Variants in SLC8A1 observed in about 807,000 individuals in gnomAD.
SLC8A1 encodes sodium/calcium exchanger 1.
A neutral mutation model predicts 68.3 loss-of-function variants in SLC8A1; 18 were observed. The ratio of observed to expected loss-of-function variants is 0.26; its 90% CI spans 0.18 to 0.39. The LOEUF (loss-of-function observed/expected upper bound fraction) is 0.39. SLC8A1 is among the 10% of genes least tolerant of loss of function. The probability of loss-of-function intolerance (pLI) is 1.00; values close to 1 mark genes in which losing one functional copy is unlikely to be tolerated. For missense variants in SLC8A1, 985 were observed against 1,156.7 expected, an observed-to-expected ratio of 0.85 and a Z score of 2.15; for synonymous variants, 475 against 415.5, an observed-to-expected ratio of 1.14 and a Z score of -1.74.
exon 8 of SLC8A1, chr2:40,105,399 A>G (rs939171394): frequency 5.9e-5 from 9 of 152,244 alleles, no homozygotes; most frequent in Non-Finnish European, 1.2e-4. Context: ...GTAAAGGTAT[A>G]GTAATACTAT....
intron 2 of SLC8A1, among the ~76,000 whole-genome samples, chr2:40,385,946 CA>C (rs1296416029): frequency 6.7e-6 from 1 of 149,204 alleles, no homozygotes; most frequent in Non-Finnish European, 1.5e-5. Flanking sequence ...AGAACATTCA[CA>C]AAAATGTAAA....
intron 2 of SLC8A1, among the ~76,000 whole-genome samples, chr2:40,352,320 C>T (rs1482913977): frequency 6.6e-6 from 1 of 152,014 alleles, no homozygotes; most frequent in African/African-American, 2.4e-5. Flanking sequence ...TAACATTTTC[C>T]AAAGCTAAAA....
At chr2:40,135,140 A>G (rs2040247498) in intron 7 of SLC8A1, among the ~76,000 whole-genome samples, 1 of 152,230 alleles carries the variant, frequency 6.6e-6, no homozygotes, top group Non-Finnish European at 1.5e-5. Flanking sequence ...CAGGCAAGGA[A>G]GAGAACAGAC....
intron 2 of SLC8A1, among the ~76,000 whole-genome samples, chr2:40,388,153 C>T (rs750182472): frequency 4.6e-5 from 7 of 151,822 alleles, no homozygotes; most frequent in Non-Finnish European, 8.8e-5. Context: ...TGAGTAGTGC[C>T]CCTTAGAAAT....
chr2:40,273,932 G>T (rs1447572543), intron 2 of SLC8A1, among the ~76,000 whole-genome samples: 1 of 149,064 alleles, frequency 6.7e-6, no homozygotes, highest in Non-Finnish European at 1.5e-5. Flanking sequence ...AGGGAGAGGT[G>T]CTTCTACTTC....
intron 1 of SLC8A1, among the ~76,000 whole-genome samples, chr2:40,487,834 G>T (rs528258946): frequency 3.9e-5 from 6 of 152,190 alleles, no homozygotes; most frequent in Admixed American, 3.9e-4. Context: ...TTAATGGTCA[G>T]TCATGGCATT....
chr2:40,463,839 T>TACACACACACACACACACACACACAC (rs761954909), intron 1 of SLC8A1, among the ~76,000 whole-genome samples: 1 of 123,322 alleles, frequency 8.1e-6, no homozygotes, highest in African/African-American at 3.1e-5. Flanking sequence ...CACACACACA[T>TACACACACACACACACACACACACAC]ACACACACAC....
chr2:40,223,541 G>A (rs942052024), intron 2 of SLC8A1: 1 of 151,908 alleles, frequency 6.6e-6, no homozygotes, highest in African/African-American at 2.4e-5. Context: ...AGTGTCTTAA[G>A]TATTAGTCAT....
At chr2:40,241,988 A>T (rs141656853) in intron 2 of SLC8A1, among the ~76,000 whole-genome samples, 53 of 152,286 alleles carry the variant, frequency 3.5e-4, no homozygotes, top group Non-Finnish European at 6.6e-4. Flanking sequence ...TCCACTCAAT[A>T]ATTTGATCTA....
chr2:40,457,917 G>A (rs1427493593), intron 1 of SLC8A1, among the ~76,000 whole-genome samples: 1 of 152,152 alleles, frequency 6.6e-6, no homozygotes, highest in Non-Finnish European at 1.5e-5. Flanking sequence ...AAAGTACAAA[G>A]GGATTTGCCG....
chr2:40,341,138 C>A (rs1380436093), intron 2 of SLC8A1, among the ~76,000 whole-genome samples: 1 of 152,132 alleles, frequency 6.6e-6, no homozygotes, highest in African/African-American at 2.4e-5. Context: ...TGTGTACTAG[C>A]TTTGCTTTGT....
At chr2:40,142,743 G>T (rs891504882) in intron 6 of SLC8A1, among the ~76,000 whole-genome samples, 1 of 152,140 alleles carries the variant, frequency 6.6e-6, no homozygotes, top group African/African-American at 2.4e-5. Flanking sequence ...TTTGTAAAGT[G>T]TCTGAGAATA....
chr2:40,238,267 C>T (rs1162084096), intron 2 of SLC8A1, among the ~76,000 whole-genome samples: 6 of 152,202 alleles, frequency 3.9e-5, no homozygotes, highest in South Asian at 2.1e-4. Context: ...ACTCCGTGGG[C>T]GTAGGACCCT....
intron 2 of SLC8A1, among the ~76,000 whole-genome samples, chr2:40,230,749 T>A (rs2059547495): frequency 6.6e-6 from 1 of 152,190 alleles, no homozygotes; most frequent in Admixed American, 6.5e-5. Flanking sequence ...TACTTACAGC[T>A]TACAAGAACA....
Position 40,115,636 on chromosome 2 carries a change from A to C in SLC8A1, c.2438-7T>G, listed in dbSNP as rs543965268. The C allele has an allele frequency of 1.1e-5, 17 of 1,601,232 alleles. No homozygotes were observed. In the African/African-American group the frequency reaches 1.6e-4, roughly 15 times the overall value. On this transcript the variant is annotated splice_polypyrimidine_tract_variant and splice_region_variant and intron_variant, in intron 7 of 7. Coordinates refer to ENST00000406785, the Ensembl canonical transcript of SLC8A1. ...ACTTTGCTGGCAAATGTGTCTGCAG[A>C]GGAAGAAGAGAAAGTCAATGACACT...
chr2:40,318,642 T>C lies in SLC8A1; in HGVS notation c.1808+109831A>G, dbSNP rs983221633. 3.9e-5 allele frequency among the ~76,000 whole-genome samples: 6 copies of C among 152,026 alleles called. No individual in the cohort carries two copies. In the South Asian group the frequency reaches 1.2e-3, roughly 31 times the overall value. The stretch of plus-strand genomic sequence containing the variant: ...TAGTGCCCCCTATAAATGTAGACCG[T>C]TGCTGTCTAAGTAGAACCTAGAGAT... On this transcript the variant is annotated intron_variant, in intron 2 of 7. Transcript: ENST00000406785.
chr2:40,461,536 C>A (rs1006183420), intron 1 of SLC8A1, among the ~76,000 whole-genome samples: 1 of 152,142 alleles, frequency 6.6e-6, no homozygotes, highest in South Asian at 2.1e-4. Flanking sequence ...CCACTCCGCG[C>A]CCCTGCACAA....
Position 40,133,395 on chromosome 2 carries a change from G to A in SLC8A1, c.2437+6006C>T, listed in dbSNP as rs1358093974. Among the ~76,000 whole-genome samples, 3 of 3,012 alleles carry A rather than the reference G, an allele frequency of 1.0e-3. No individual in the cohort carries two copies. In the Non-Finnish European group the frequency reaches 0.021, roughly 21 times the overall value. The allele number at this position is 3,012 out of a possible 152,430, so 2.0% of individuals were successfully genotyped here. On this transcript the variant is annotated intron_variant, in intron 7 of 7. Coordinates refer to ENST00000406785, the Ensembl canonical transcript of SLC8A1. ...AAAAGGTTCTATATACAAAATTGGG[G>A]GGGGGGGGGGTGGAAACCAAAACCA...
chr2:40,308,267 T>G (rs1188868101), intron 2 of SLC8A1, among the ~76,000 whole-genome samples: 1 of 152,198 alleles, frequency 6.6e-6, no homozygotes, highest in African/African-American at 2.4e-5. Context: ...ATTGGAGTGA[T>G]ATAAACTTAA....
Sources: gnomAD v4.1 joint callset for allele counts (sites outside exome capture counted in the v4.1 genomes callset) on GRCh38, gnomAD v4.1.1 for gene constraint, MANE v1.5 for transcripts, NCBI Gene and HGNC (gene_info 2026-07-23, HGNC 2026-07-21) for gene names.